MEGF9: variants seen among roughly 807,000 people sequenced by gnomAD.
MEGF9 encodes the protein multiple EGF like domains 9, also known as multiple epidermal growth factor-like domains protein 9.
MEGF9 carries 6 observed loss-of-function variants against 46.8 expected under a neutral mutation model. The ratio of observed to expected loss-of-function variants is 0.13; its 90% confidence interval spans 0.07 to 0.25. The LOEUF is 0.25. Ranked by LOEUF, MEGF9 falls within the 10% of genes least tolerant of loss-of-function variation. The pLI is 1.00. For synonymous variants in MEGF9, 302 were observed against 330.7 expected (o/e 0.91, Z 0.94); for missense variants, 683 against 792.4 (o/e 0.86, Z 1.66).
At position 120,659,437 on chromosome 9, in the gene MEGF9, G is replaced by T. The variant is rs1180554486; in HGVS notation, c.740C>A (p.Thr247Asn). ...GTCACATGGCTGACAGAGCCCAGAA[G>T]TGTAATTTAGGTAAAAGCCCTCTTT... is the stretch of plus-strand genomic sequence containing the variant. ...TCKEGFYLNY[T>N]SGLCQPCDCS... The change falls in exon 2 of 6, where the codon ACT becomes AAT. Residue 247 changes from threonine to asparagine, a missense_variant. By Grantham distance (65) the Thr-to-Asn change is moderately conservative (BLOSUM62 0). This residue lies in a region of MEGF9 where 370 missense variants were observed against 371.3 expected (regional missense o/e 1.00). Transcript: ENST00000373930. 3.1e-6 allele frequency: 5 copies of T among 1,613,740 alleles called. No homozygotes were observed. The highest frequency in any genetic ancestry group is 3.3e-5 in the Admixed American group (2 of 59,966).
At position 120,714,087 on chromosome 9, in the gene MEGF9, AG is replaced by A; in HGVS notation, c.271del (p.Leu91TrpfsTer70). 7.9e-7 allele frequency: 1 copy of A among 1,258,904 alleles called. No homozygotes were observed. The highest frequency in any genetic ancestry group is 1.0e-6 in the Non-Finnish European group (1 of 1,001,696). 78.0% of individuals were successfully genotyped at this position (1,258,904 alleles called of 1,614,324 possible). ...GGACTGGGCTGGAGAAGTCGCAGCC[AG>A]GGGTCGGTGGACGGTGGCGCGCGGG... The part of the protein sequence containing the change: ...GPPRATVHRP[L>X]AATSPAQSPE... On this transcript the variant is annotated frameshift_variant, in exon 1 of 6. Transcript: ENST00000373930. LOFTEE classifies it high-confidence loss of function.
intron 2 of MEGF9, among the ~76,000 whole-genome samples, chr9:120,652,466 G>A (rs756088157): frequency 3.8e-4 from 44 of 115,646 alleles, no homozygotes; most frequent in Non-Finnish European, 4.0e-4. Flanking sequence ...GTGACAGAGC[G>A]AGATCTTGTC....
intron 2 of MEGF9, among the ~76,000 whole-genome samples, chr9:120,629,173 T>C (rs1365195579): frequency 6.6e-6 from 1 of 152,134 alleles, no homozygotes; most frequent in African/African-American, 2.4e-5. Context: ...AGAGACAGGT[T>C]CACATTATAT....
Position 120,605,628 on chromosome 9 carries a change from T to C in MEGF9, c.1371A>G (p.Pro457=). ...GNCIKKEVIL[P]TPEGSTILVS... ...CCAAAATGGTAGAACCTTCAGGTGT[T>C]GGAAGAATAACTTCTGAAAATAAAA... The change falls in exon 6 of 6, where the codon CCA becomes CCG. Residue 457 remains proline, a synonymous_variant. Transcript: ENST00000373930. This position sits in a 1 kb window ranked among gnomAD's most constrained non-coding sequence, Gnocchi z 4.0. 6.4e-7 allele frequency: 1 copy of C among 1,559,492 alleles called. No homozygotes were observed. The highest frequency in any genetic ancestry group is 8.7e-7 in the Non-Finnish European group (1 of 1,151,328).
chr9:120,631,902 TC>T, intron 2 of MEGF9, among the ~76,000 whole-genome samples: 1 of 152,058 alleles, frequency 6.6e-6, no homozygotes. Flanking sequence ...CTTCTCCTTC[TC>T]CTTCCTCACC....
At chr9:120,643,430 T>C (rs903833211) in intron 2 of MEGF9, among the ~76,000 whole-genome samples, 4 of 152,188 alleles carry the variant, frequency 2.6e-5, no homozygotes, top group African/African-American at 9.7e-5. Context: ...TTGTACATTC[T>C]AACCACAATG....
intron 5 of MEGF9, among the ~76,000 whole-genome samples, chr9:120,606,656 C>T (rs993872070): frequency 1.3e-5 from 2 of 152,142 alleles, no homozygotes; most frequent in Admixed American, 1.3e-4. Flanking sequence ...TTTTTTAAAG[C>T]TCGGTTTCCT....
chr9:120,643,100 A>C (rs796405689), intron 2 of MEGF9, among the ~76,000 whole-genome samples: 41 of 152,304 alleles, frequency 2.7e-4, no homozygotes, highest in African/African-American at 9.6e-4. Flanking sequence ...AAGAAACTTC[A>C]AGTCCAAGTC....
intron 3 of MEGF9, among the ~76,000 whole-genome samples, chr9:120,619,596 A>G (rs938150229): frequency 1.6e-4 from 25 of 152,238 alleles, no homozygotes; most frequent in Non-Finnish European, 2.8e-4. Context: ...CTGCCTAGAT[A>G]ACAGTATTTA....
chr9:120,694,390 T>C (rs970706592), intron 1 of MEGF9, among the ~76,000 whole-genome samples: 1 of 152,220 alleles, frequency 6.6e-6, no homozygotes, highest in Non-Finnish European at 1.5e-5. Context: ...TTTAAAAGGA[T>C]TGGAAGCAGT....
chr9:120,644,367 C>T (rs2043617159), intron 2 of MEGF9, among the ~76,000 whole-genome samples: 1 of 152,152 alleles, frequency 6.6e-6, no homozygotes, highest in South Asian at 2.1e-4. Flanking sequence ...ATGTATCTTT[C>T]TCATCTCATC....
intron 1 of MEGF9, chr9:120,691,561 G>A (rs1480784403): frequency 1.8e-5 from 5 of 274,462 alleles, no homozygotes; most frequent in South Asian, 9.1e-5. Context: ...TAGTTTAAAC[G>A]CATTTTATCA....
intron 1 of MEGF9, among the ~76,000 whole-genome samples, chr9:120,697,114 G>C (rs180751850): frequency 3.3e-4 from 51 of 152,252 alleles, no homozygotes; most frequent in Admixed American, 1.3e-3. Context: ...ACAGGGTCTC[G>C]CTCTGTCGCC....
intron 2 of MEGF9, among the ~76,000 whole-genome samples, chr9:120,629,992 G>A (rs181670210): frequency 3.0e-4 from 45 of 151,872 alleles, no homozygotes; most frequent in East Asian, 7.7e-4. Context: ...TATTGTCTAT[G>A]GCTATTTTCA....
intron 1 of MEGF9, among the ~76,000 whole-genome samples, chr9:120,665,911 C>G (rs1180316560): frequency 6.6e-6 from 1 of 152,074 alleles, no homozygotes; most frequent in Non-Finnish European, 1.5e-5. Flanking sequence ...GCTGTAAATA[C>G]ATGGATTTAT....
At chr9:120,648,367 T>G (rs1403237776) in intron 2 of MEGF9, among the ~76,000 whole-genome samples, 2 of 151,822 alleles carry the variant, frequency 1.3e-5, no homozygotes, top group East Asian at 1.9e-4. Context: ...TAGACAAAAA[T>G]GTCATCCTGT....
intron 1 of MEGF9, among the ~76,000 whole-genome samples, chr9:120,708,897 T>C (rs1306684495): frequency 6.6e-6 from 1 of 152,186 alleles, no homozygotes; most frequent in East Asian, 1.9e-4. Context: ...ACCTAGCACA[T>C]ATTTAAAAAT....
rs202116880 is a variant in MEGF9 at position 120,612,440 on chromosome 9, C to T, written c.1043G>A (p.Arg348His). Residue 348 changes from arginine to histidine, a missense_variant, in exon 4 of 6, where the codon CGC becomes CAC. Arg to His is a conservative substitution (Grantham distance 29). Around this residue, in one of 2 missense-constraint regions of MEGF9, gnomAD observed 313 missense variants for 421.1 expected, o/e 0.74. Transcript: ENST00000373930. ...QSPDATKECL[R>H]CPCSAVTSTG... ...AGATGTCACTGCTGAACAAGGGCAGCGAAGACATTCTTTAGTGGCATCAGG... is the reference window on the plus strand; with the variant it reads ...AGATGTCACTGCTGAACAAGGGCAGTGAAGACATTCTTTAGTGGCATCAGG... The T allele has an allele frequency of 1.3e-4, 217 of 1,613,386 alleles. No homozygotes were observed. Among genetic ancestry groups the T allele is most frequent in the Non-Finnish European group, 1.7e-4 (205 of 1,179,656 alleles).
At chr9:120,686,345 T>C (rs1212109545) in intron 1 of MEGF9, among the ~76,000 whole-genome samples, 1 of 152,218 alleles carries the variant, frequency 6.6e-6, no homozygotes, top group Non-Finnish European at 1.5e-5. Flanking sequence ...CCCGAAGTGC[T>C]GGGATTACAA....
Sources: gnomAD v4.1 joint callset for allele counts (sites outside exome capture counted in the v4.1 genomes callset) on GRCh38, gnomAD v4.1.1 for gene constraint, gnomAD v4.1.1 regional missense constraint, Gnocchi (gnomAD v3.1) non-coding constraint, MANE v1.5 for transcripts, NCBI Gene and HGNC (gene_info 2026-07-23, HGNC 2026-07-21) for gene names.